The following KCNMA1 variants were observed in gnomAD, a reference collection of about 807,000 sequenced individuals.
KCNMA1 encodes the protein Calcium-activated potassium channel subunit alpha-1.
KCNMA1 carries 29 observed loss-of-function variants against 140.0 expected under a neutral mutation model. That is an observed-to-expected ratio of 0.21 (90% CI 0.15 to 0.28). The LOEUF is 0.28. Among genes scored for constraint, KCNMA1 ranks in the 10% least tolerant of loss-of-function variants. The probability of loss-of-function intolerance (pLI) is 1.00; values close to 1 mark genes in which losing one functional copy is unlikely to be tolerated. For missense variants in KCNMA1, 880 were observed against 1,602.2 expected, an observed-to-expected ratio of 0.55 and a Z score of 7.70; for synonymous variants, 612 against 611.9, an observed-to-expected ratio of 1.00 and a Z score of 0.00.
intron 2 of KCNMA1, among the ~76,000 whole-genome samples, chr10:77,349,333 G>A (rs1254266290): frequency 3.3e-5 from 5 of 152,198 alleles, no homozygotes; most frequent in African/African-American, 1.2e-4. Flanking sequence ...ATCTGCTGGT[G>A]TCTTGACCTT....
chr10:76,914,141 A>C, intron 24 of KCNMA1: 1 of 1,548,018 alleles, frequency 6.5e-7, no homozygotes, highest in Non-Finnish European at 8.7e-7. Context: ...GGTTTAGCTA[A>C]TTGGATACAG....
At chr10:76,967,432 C>T (rs999903815) in intron 20 of KCNMA1, among the ~76,000 whole-genome samples, 3 of 152,094 alleles carry the variant, frequency 2.0e-5, no homozygotes, top group Non-Finnish European at 4.4e-5. Flanking sequence ...TGCCAATCAA[C>T]AAAGGGGGTT....
chr10:77,494,470 A>T (rs1289680288), intron 1 of KCNMA1, among the ~76,000 whole-genome samples: 1 of 152,178 alleles, frequency 6.6e-6, no homozygotes, highest in Non-Finnish European at 1.5e-5. Context: ...GCACATGGGG[A>T]TGAAAAGGGT....
chr10:77,401,898 A>G (rs924486250), intron 2 of KCNMA1, among the ~76,000 whole-genome samples: 3 of 152,128 alleles, frequency 2.0e-5, no homozygotes, highest in Non-Finnish European at 4.4e-5. Flanking sequence ...CTTATCCTCC[A>G]TGCATTCCTT....
chr10:77,550,376 G>C (rs1197246945), intron 1 of KCNMA1, among the ~76,000 whole-genome samples: 1 of 152,180 alleles, frequency 6.6e-6, no homozygotes, highest in African/African-American at 2.4e-5. Context: ...AGCTGGAGCT[G>C]TCCTCTTTCT....
At chr10:77,222,628 G>A (rs1346594965) in intron 3 of KCNMA1, among the ~76,000 whole-genome samples, 1 of 152,160 alleles carries the variant, frequency 6.6e-6, no homozygotes, top group African/African-American at 2.4e-5. Context: ...CAGCATCAAT[G>A]ACTTCAAAAA....
intron 1 of KCNMA1, among the ~76,000 whole-genome samples, chr10:77,631,984 A>G (rs925502456): frequency 1.9e-4 from 29 of 152,312 alleles, no homozygotes; most frequent in African/African-American, 6.3e-4. Context: ...ACAGACCTCA[A>G]TTTGCAGGTG....
At chr10:76,992,252 C>T (rs2082992683) in intron 19 of KCNMA1, among the ~76,000 whole-genome samples, 1 of 152,142 alleles carries the variant, frequency 6.6e-6, no homozygotes, top group African/African-American at 2.4e-5. Flanking sequence ...GTTAGTCCTG[C>T]TCATCTGAGC....
At chr10:77,004,035 A>C (rs916824611) in intron 18 of KCNMA1, among the ~76,000 whole-genome samples, 1 of 152,194 alleles carries the variant, frequency 6.6e-6, no homozygotes, top group Non-Finnish European at 1.5e-5. Context: ...GAAACTGGTA[A>C]TCGAAGCAGC....
intron 1 of KCNMA1, among the ~76,000 whole-genome samples, chr10:77,490,053 T>C (rs1016850140): frequency 1.3e-5 from 2 of 152,210 alleles, no homozygotes; most frequent in Non-Finnish European, 2.9e-5. Context: ...AGATGAGCAG[T>C]GTCCCTGGCC....
chr10:77,321,497 G>A (rs916955574), intron 2 of KCNMA1, among the ~76,000 whole-genome samples: 1 of 152,146 alleles, frequency 6.6e-6, no homozygotes, highest in African/African-American at 2.4e-5. Flanking sequence ...GTCACAGCTT[G>A]TTATTAATCA....
chr10:77,637,008 TACAATAA>T, intron 1 of KCNMA1: 1 of 1,410,394 alleles, frequency 7.1e-7, no homozygotes, highest in South Asian at 1.6e-5. Context: ...CCAACAACCC[TACAATAA>T]ACAAGAGGAC....
At chr10:77,425,655 T>C (rs2096969636) in intron 1 of KCNMA1, among the ~76,000 whole-genome samples, 1 of 152,198 alleles carries the variant, frequency 6.6e-6, no homozygotes. Flanking sequence ...GTGGCAGGAC[T>C]TCTGCTGCTG....
chr10:77,181,616 G>C (rs1453982202), intron 5 of KCNMA1, among the ~76,000 whole-genome samples: 1 of 152,192 alleles, frequency 6.6e-6, no homozygotes, highest in African/African-American at 2.4e-5. Context: ...CACAAAGCCA[G>C]TTAGCAGTGA....
At chr10:76,869,760 CTCT>C (rs1281994399) in exon 28 of KCNMA1, 1 of 152,612 alleles carries the variant, frequency 6.6e-6, no homozygotes, top group Admixed American at 6.5e-5. Flanking sequence ...AGCATATAGT[CTCT>C]TCTTCAATTC....
At chr10:77,191,024 A>G (rs1272437073) in intron 3 of KCNMA1, among the ~76,000 whole-genome samples, 2 of 152,200 alleles carry the variant, frequency 1.3e-5, no homozygotes, top group Admixed American at 6.5e-5. Flanking sequence ...ATCAAAATAA[A>G]TAAAAAAGAT....
At chr10:77,391,868 T>C (rs925063177) in intron 2 of KCNMA1, among the ~76,000 whole-genome samples, 1 of 151,726 alleles carries the variant, frequency 6.6e-6, no homozygotes, top group Non-Finnish European at 1.5e-5. Context: ...TTTGTCATCA[T>C]CATCTCTATT....
chr10:77,347,105 A>G (rs2092284017), intron 2 of KCNMA1, among the ~76,000 whole-genome samples: 1 of 152,192 alleles, frequency 6.6e-6, no homozygotes, highest in Non-Finnish European at 1.5e-5. Flanking sequence ...CATCTGTAAA[A>G]TGAAGAGTAC....
chr10:77,590,282 C>T (rs1367917525), intron 1 of KCNMA1, among the ~76,000 whole-genome samples: 1 of 152,252 alleles, frequency 6.6e-6, no homozygotes, highest in Middle Eastern at 3.2e-3. Flanking sequence ...CGTGCGCCCG[C>T]ACTCCTCAGC....
Sources: gnomAD v4.1 joint callset for allele counts (sites outside exome capture counted in the v4.1 genomes callset) on GRCh38, gnomAD v4.1.1 for gene constraint, MANE v1.5 for transcripts, NCBI Gene and HGNC (gene_info 2026-07-23, HGNC 2026-07-21) for gene names.